CLASRP: variants seen among roughly 807,000 people sequenced by gnomAD.
The protein encoded by CLASRP is CLK4-associating serine/arginine rich protein.
A neutral mutation model predicts 99.9 loss-of-function variants in CLASRP; 52 were observed. The ratio of observed to expected loss-of-function variants is 0.52; its 90% CI spans 0.42 to 0.66. CLASRP has a LOEUF of 0.66. Among genes scored for constraint, CLASRP ranks in the 30% least tolerant of loss-of-function variants. The pLI is 0.00. For synonymous variants in CLASRP, 379 were observed against 373.0 expected (o/e 1.02, Z -0.18); for missense variants, 848 against 999.2 (o/e 0.85, Z 2.04).
intron 19 of CLASRP, 42 bp downstream of exon 19, chr19:45,070,146 G>T (rs1419119858): frequency 1.6e-6 from 2 of 1,263,356 alleles, no homozygotes; most frequent in Non-Finnish European, 2.3e-6. Context: ...GGGCTTTAAA[G>T]AAAAGTGTCA....
chr19:45,051,942 T>C, intron 2 of CLASRP, 129 bp from the exon 3 acceptor site: 4 of 686,150 alleles, frequency 5.8e-6, no homozygotes, highest in Non-Finnish European at 1.0e-5. Context: ...CACTCCAGCC[T>C]GGGCGACAGA....
intron 4 of CLASRP, 101 bp from the exon 5 acceptor site, chr19:45,052,997 A>T (rs966576595): frequency 6.5e-7 from 1 of 1,534,668 alleles, no homozygotes; most frequent in Non-Finnish European, 9.0e-7. Flanking sequence ...CCTATTTGGT[A>T]CCGCCCTGAG....
intron 1 of CLASRP, chr19:45,039,676 A>G (rs1241589446): frequency 6.5e-6 from 1 of 154,652 alleles, no homozygotes; most frequent in Non-Finnish European, 1.4e-5. Flanking sequence ...CTCGACCTCC[A>G]CCTTCATACA....
At chr19:45,041,208 C>T (rs1035781925) in intron 2 of CLASRP, among the ~76,000 whole-genome samples, 9 of 140,064 alleles carry the variant, frequency 6.4e-5, no homozygotes, top group East Asian at 2.0e-4. Flanking sequence ...CCAGCCTGGG[C>T]GACAGCGAGA....
Position 45,067,565 on chromosome 19 carries a change from G to A in CLASRP, c.1638G>A (p.Ala546=), listed in dbSNP as rs377491505. 73 of 1,602,672 alleles carry A rather than the reference G, an allele frequency of 4.6e-5. No individual in the cohort carries two copies. Among genetic ancestry groups the A allele is most frequent in the South Asian group, 4.0e-4 (36 of 90,670 alleles). The change falls in exon 14 of 21, where the codon GCG becomes GCA. Residue 546 remains alanine (A), a synonymous_variant. Transcript: ENST00000221455. The surrounding 1 kb of genome is among the most constrained non-coding windows in gnomAD (Gnocchi z 4.9). The part of the protein sequence containing the change: ...PAREKLTRPA[A]SPAVGEKLKK... ...GAGAGAAGCTGACCAGGCCGGCCGC[G>A]TCCCCTGCTGTGGGCGAGAAGCTGA... is the stretch of plus-strand genomic sequence containing the variant.
At chr19:45,039,840 C>T (rs183284407) in intron 1 of CLASRP, 59 of 175,944 alleles carry the variant, frequency 3.4e-4, no homozygotes, top group African/African-American at 1.3e-3. Context: ...GAGCTCCAGC[C>T]TTAAGTGCTC....
chr19:45,061,163 C>T (rs1198479183), intron 10 of CLASRP, among the ~76,000 whole-genome samples: 3 of 152,118 alleles, frequency 2.0e-5, no homozygotes, highest in Non-Finnish European at 4.4e-5. Context: ...GAGGAGAGGC[C>T]CTGTGCAAAC....
intron 20 of CLASRP, 24 bp from the exon 21 acceptor site, chr19:45,070,779 C>G (rs377473329): frequency 1.2e-6 from 2 of 1,605,642 alleles, no homozygotes; most frequent in African/African-American, 1.3e-5. Context: ...CCCATCCTCA[C>G]GGCCCCTCCC....
Position 45,064,056 on chromosome 19 carries a change from C to A in CLASRP, c.950C>A (p.Ser317Tyr). 6.2e-7 allele frequency: 1 copy of A among 1,612,664 alleles called. No homozygotes were observed. Among genetic ancestry groups the A allele is most frequent in the Non-Finnish European group, 8.5e-7 (1 of 1,179,840 alleles). ...SSSESRSRSR[S>Y]PTPGREEKIT... ...TCAGAGTCCCGCTCCCGCTCCCGCT[C>A]CCCGACCCCGGGCCGCGAGGAGAAG... is the stretch of plus-strand genomic sequence containing the variant. Residue 317 changes from serine (S) to tyrosine (Y), a missense_variant, in exon 12 of 21, where the codon TCC (serine) becomes TAC (tyrosine). Transcript: ENST00000221455.
chr19:45,068,281 C>A, intron 15 of CLASRP, 139 bp from the exon 16 acceptor site: 1 of 667,974 alleles, frequency 1.5e-6, no homozygotes, highest in Non-Finnish European at 2.8e-6. Context: ...CAGGGCTGTC[C>A]ACAGCCTGCC....
chr19:45,060,336 C>T lies in CLASRP; in HGVS notation c.711-53C>T. The stretch of plus-strand genomic sequence containing the variant: ...CTCTGATGACTCAGTCTGTGTCCTC[C>T]TTACCCTGTGGCCTGCCCCATCCTC... On this transcript the variant is annotated intron_variant, in intron 8 of 20. Transcript: ENST00000221455. This position sits in a 1 kb window ranked among gnomAD's most constrained non-coding sequence, Gnocchi z 4.6. 1 of 1,535,992 alleles carries T rather than the reference C, an allele frequency of 6.5e-7. No homozygotes were observed. The highest frequency in any genetic ancestry group is 1.4e-5 in the African/African-American group (1 of 73,444).
rs367708487 is a variant in CLASRP at position 45,055,606 on chromosome 19, G to A, written c.380-844G>A. ...TCTCAGCACTTTGGGAGGTTGAGGC[G>A]GTGGATCACCTGAGGTCGGGAGTTC... On this transcript the variant is annotated intron_variant, in intron 5 of 20. Transcript: ENST00000221455. Among the ~76,000 whole-genome samples the A allele has an allele frequency of 2.6e-4, 39 of 152,264 alleles. 1 individual carries two copies. Among genetic ancestry groups the A allele is most frequent in the East Asian group, 2.1e-3 (11 of 5,178 alleles).
intron 15 of CLASRP, 96 bp from the exon 16 acceptor site, chr19:45,068,311 TCCCCCCCCCACCC>T (rs925629785): frequency 1.1e-5 from 6 of 544,622 alleles, no homozygotes; most frequent in Non-Finnish European, 2.0e-5. Context: ...CACGTCGTTC[TCCCCCCCCCACCC>T]CCCCCCCGCA....
chr19:45,044,141 C>G (rs1971868847), intron 2 of CLASRP, among the ~76,000 whole-genome samples: 1 of 152,230 alleles, frequency 6.6e-6, no homozygotes, highest in Admixed American at 6.5e-5. Context: ...CTTGGCTTCC[C>G]AAAGCGCTGG....
intron 2 of CLASRP, among the ~76,000 whole-genome samples, chr19:45,048,853 G>T (rs916132518): frequency 6.6e-6 from 1 of 151,702 alleles, no homozygotes; most frequent in African/African-American, 2.4e-5. Context: ...AAGCGTGGTG[G>T]CGGGCACCTG....
intron 2 of CLASRP, among the ~76,000 whole-genome samples, chr19:45,046,926 C>G (rs1971927786): frequency 6.6e-6 from 1 of 152,134 alleles, no homozygotes. Flanking sequence ...ACCTGGGAGG[C>G]TGAGGCAGGA....
intron 2 of CLASRP, among the ~76,000 whole-genome samples, chr19:45,045,698 C>T (rs915326059): frequency 6.6e-6 from 1 of 152,102 alleles, no homozygotes; most frequent in Non-Finnish European, 1.5e-5. Flanking sequence ...TGTTGGTTGC[C>T]AATTAATGGT....
At chr19:45,041,560 T>G (rs147630790) in intron 2 of CLASRP, among the ~76,000 whole-genome samples, 2 of 152,306 alleles carry the variant, frequency 1.3e-5, no homozygotes, top group African/African-American at 2.4e-5. Context: ...TTCCCAGTTA[T>G]TCCTGTATTA....
At chr19:45,058,332 GTCTC>G (rs1038077007) in intron 7 of CLASRP, 1 of 164,810 alleles carries the variant, frequency 6.1e-6, no homozygotes, top group Non-Finnish European at 1.3e-5. Flanking sequence ...CCACCCCCAA[GTCTC>G]TCTGTTTTTC....
Sources: gnomAD v4.1 joint callset for allele counts (sites outside exome capture counted in the v4.1 genomes callset) on GRCh38, gnomAD v4.1.1 for gene constraint, Gnocchi (gnomAD v3.1) non-coding constraint, MANE v1.5 for transcripts, NCBI Gene and HGNC (gene_info 2026-07-23, HGNC 2026-07-21) for gene names.